The following TACC2 variants were observed in gnomAD, a reference collection of about 807,000 sequenced individuals.
The protein encoded by TACC2 is transforming acidic coiled-coil containing protein 2.
Under a neutral mutation model 227.3 loss-of-function variants are expected in TACC2, and 137 were observed. The observed-to-expected ratio is 0.60, with a 90% CI of 0.52 to 0.69. The LOEUF is 0.69. TACC2 is among the 30% of genes least tolerant of loss of function. The pLI is 0.00. For synonymous variants in TACC2, 1,523 were observed against 1,487.5 expected (o/e 1.02, Z -0.55); for missense variants, 3,470 against 3,694.4 (o/e 0.94, Z 1.57).
intron 3 of TACC2, among the ~76,000 whole-genome samples, chr10:122,054,992 G>A (rs1396440650): frequency 6.6e-6 from 1 of 152,140 alleles, no homozygotes; most frequent in African/African-American, 2.4e-5. Context: ...GGCCGATGTG[G>A]GTGGATTGCC....
rs146552537 is a variant in TACC2 at position 122,086,274 on chromosome 10, T to G, written c.3774T>G (p.Ser1258=). 8.1e-6 allele frequency: 13 copies of G among 1,613,916 alleles called. No homozygotes were observed. Among genetic ancestry groups the G allele is most frequent in the African/African-American group, 1.3e-5 (1 of 74,944 alleles). Residue 1258 remains serine, a synonymous_variant, in exon 4 of 23, where the codon TCT becomes TCG. Transcript: ENST00000369005. ...AEDSGVKAVS[S]ADPRAPGESP... is the part of the protein sequence containing the mutation. ...ACAGTGGAGTGAAAGCTGTTTCCTC[T>G]GCAGACCCCAGAGCTCCTGGCGAAA... is the stretch of plus-strand genomic sequence containing the variant.
Position 122,084,040 on chromosome 10 carries a change from C to T in TACC2, c.1540C>T (p.Pro514Ser), listed in dbSNP as rs2079829219. The change falls in exon 4 of 23, where the codon CCA becomes TCA. Residue 514 changes from proline to serine, a missense_variant. Physicochemically the swap from Pro to Ser is moderately conservative, Grantham distance 74 (BLOSUM62 -1). Transcript: ENST00000369005. ...AAGCCATGAGGTCCAACCAGGAGTA[C>T]CACCCCCTCCTCTTCCCAAGGAGCA... ...EQSHEVQPGV[P>S]PPPLPKEQSH... 4.3e-6 allele frequency: 7 copies of T among 1,613,820 alleles called. No individual in the cohort carries two copies. Among genetic ancestry groups the T allele is most frequent in the Non-Finnish European group, 4.2e-6 (5 of 1,179,942 alleles).
intron 5 of TACC2, among the ~76,000 whole-genome samples, chr10:122,107,389 G>A (rs929760548): frequency 6.6e-6 from 1 of 152,062 alleles, no homozygotes; most frequent in Admixed American, 6.6e-5. Context: ...AGGAGTTCGA[G>A]ACCAGCCTGG....
intron 5 of TACC2, among the ~76,000 whole-genome samples, chr10:122,111,449 T>C (rs1336208654): frequency 6.8e-6 from 1 of 147,974 alleles, no homozygotes; most frequent in East Asian, 2.1e-4. Flanking sequence ...TGGTGAGTGG[T>C]GTATGTTTTT....
chr10:122,216,641 T>C lies in TACC2; in HGVS notation c.7359T>C (p.Ala2453=), dbSNP rs373229304. 1.2e-6 allele frequency: 2 copies of C among 1,613,858 alleles called. No individual in the cohort carries two copies. The highest frequency in any genetic ancestry group is 1.7e-5 in the Admixed American group (1 of 59,984). The part of the protein sequence containing the change: ...SDPPSQDPTP[A]ATPETPPVIS... ...TCTCTTTGCAGGACCCCACCCCAGC[T>C]GCTACACCAGAAACACCACCAGTGA... The change falls in exon 11 of 23, where the codon GCT becomes GCC. Residue 2453 remains alanine (A), a synonymous_variant. Transcript: ENST00000369005.
rs575404771 is a variant in TACC2 at position 122,090,771 on chromosome 10, C to G, written c.5573+2180C>G. ...ATTCATGTATTTATTTATTTTTAGA[C>G]AGGGTCTCACTCTGTCACCCAGGCT... On this transcript the variant is annotated intron_variant, in intron 5 of 22. Coordinates refer to ENST00000369005, the MANE Select transcript of TACC2 (RefSeq NM_206862.4). Among the ~76,000 whole-genome samples the G allele has an allele frequency of 1.9e-4, 29 of 151,990 alleles. No homozygotes were observed. The South Asian group carries it at 5.8e-3, about 31-fold the overall frequency.
intron 7 of TACC2, chr10:122,163,840 G>C: frequency 6.8e-7 from 1 of 1,481,254 alleles, no homozygotes; most frequent in South Asian, 1.4e-5. Context: ...GCCGCCGGCC[G>C]GCTCGCCCCG....
At chr10:122,200,020 A>T (rs2094726958) in intron 8 of TACC2, among the ~76,000 whole-genome samples, 1 of 152,188 alleles carries the variant, frequency 6.6e-6, no homozygotes, top group South Asian at 2.1e-4. Context: ...AATTTCGGGG[A>T]CACACACATT....
intron 7 of TACC2, among the ~76,000 whole-genome samples, chr10:122,176,038 C>T (rs932902640): frequency 8.7e-5 from 13 of 150,212 alleles, no homozygotes; most frequent in African/African-American, 3.2e-4. Context: ...CGTGTTTGCA[C>T]CACTGCACTC....
chr10:122,125,138 T>C lies in TACC2; in HGVS notation c.5574-7471T>C, dbSNP rs1347539821. Among the ~76,000 whole-genome samples the C allele has an allele frequency of 3.3e-5, 5 of 152,314 alleles. No individual in the cohort carries two copies. The East Asian group carries it at 9.7e-4, about 29-fold the overall frequency. ...AAAGCATGTGCCATGCTCTATGTCA[T>C]GCCCCCAGACTCTCCTTCCATCTGG... On this transcript the variant is annotated intron_variant, in intron 5 of 22. Transcript: ENST00000369005.
At chr10:122,089,025 G>C (rs1365021055) in intron 5 of TACC2, among the ~76,000 whole-genome samples, 4 of 152,102 alleles carry the variant, frequency 2.6e-5, no homozygotes, top group Admixed American at 2.6e-4. Context: ...TGAGTTGGGA[G>C]GATCGATCGT....
chr10:122,134,180 T>TG (rs2089027965), intron 6 of TACC2, among the ~76,000 whole-genome samples: 1 of 151,352 alleles, frequency 6.6e-6, no homozygotes, highest in African/African-American at 2.4e-5. Context: ...TCTTTTTTTT[T>TG]TTTTTTCCTG....
intron 1 of TACC2, among the ~76,000 whole-genome samples, chr10:122,000,998 T>C (rs961886683): frequency 6.6e-6 from 1 of 152,198 alleles, no homozygotes; most frequent in Non-Finnish European, 1.5e-5. Context: ...AATTTTTGTA[T>C]TTTTAATAGA....
At chr10:122,230,258 A>G (rs551603035) in intron 15 of TACC2, 93 bp from the exon 16 acceptor site, 2 of 1,091,128 alleles carry the variant, frequency 1.8e-6, no homozygotes, top group African/African-American at 3.1e-5. Context: ...GTCATGACAC[A>G]TTTTCGTGGC....
chr10:121,999,094 C>T (rs1362608833), intron 1 of TACC2, among the ~76,000 whole-genome samples: 1 of 151,600 alleles, frequency 6.6e-6, no homozygotes, highest in Non-Finnish European at 1.5e-5. Flanking sequence ...CTGCAAGCTC[C>T]GCCTCCCAGG....
At chr10:122,187,563 T>G (rs1351355479) in intron 7 of TACC2, among the ~76,000 whole-genome samples, 1 of 152,054 alleles carries the variant, frequency 6.6e-6, no homozygotes, top group Non-Finnish European at 1.5e-5. Flanking sequence ...TGACCTTGGC[T>G]CACTGCAATC....
At chr10:122,088,132 A>G (rs1182704922) in intron 4 of TACC2, among the ~76,000 whole-genome samples, 173 bp downstream of exon 4, 3 of 152,216 alleles carry the variant, frequency 2.0e-5, no homozygotes, top group Admixed American at 2.0e-4. Flanking sequence ...AGGCTCTGAA[A>G]AATGTGAGAA....
At chr10:122,196,723 T>A (rs1341003217) in intron 8 of TACC2, among the ~76,000 whole-genome samples, 2 of 151,962 alleles carry the variant, frequency 1.3e-5, no homozygotes, top group Non-Finnish European at 2.9e-5. Flanking sequence ...GATCATGAGG[T>A]CAGGAGATGG....
At chr10:122,061,816 C>G (rs1359303609) in intron 3 of TACC2, among the ~76,000 whole-genome samples, 1 of 151,614 alleles carries the variant, frequency 6.6e-6, no homozygotes, top group East Asian at 1.9e-4. Flanking sequence ...AGCACAGGGG[C>G]GGGGAGAGAG....
Sources: allele counts gnomAD v4.1 joint callset (sites outside exome capture counted in the v4.1 genomes callset), GRCh38; gene constraint gnomAD v4.1.1; transcripts MANE v1.5; gene names NCBI Gene and HGNC (gene_info 2026-07-23, HGNC 2026-07-21).